Variants in RMST observed in about 807,000 individuals in gnomAD.
The protein encoded by RMST is rhabdomyosarcoma 2 associated transcript, also known as long intergenic non-protein coding RNA 54.
At chr12:97,465,263 C>T (rs573633417) in intron 4 of RMST, among the ~76,000 whole-genome samples, 3 of 152,124 alleles carry the variant, frequency 2.0e-5, no homozygotes, top group Admixed American at 2.0e-4. Context: ...CTGCTACGGG[C>T]GGCTCTGTCG....
intron 11 of RMST, among the ~76,000 whole-genome samples, chr12:97,544,150 G>A (rs1273246568): frequency 6.6e-6 from 1 of 151,988 alleles, no homozygotes; most frequent in African/African-American, 2.4e-5. Flanking sequence ...TTAGAATATT[G>A]CATTAACAAG....
Position 97,469,494 on chromosome 12 carries a change from G to C in RMST, n.644+3767G>C, listed in dbSNP as rs146058810. Among the ~76,000 whole-genome samples, 11 of 152,100 alleles carry C rather than the reference G, an allele frequency of 7.2e-5. No homozygotes were observed. The East Asian group carries it at 2.1e-3, about 29-fold the overall frequency. ...ATTTACTTTCTATATGCCAGACAGTGTGCTAAGACCTTTACCTTCATTTTC... is the reference window on the plus strand; with the variant it reads ...ATTTACTTTCTATATGCCAGACAGTCTGCTAAGACCTTTACCTTCATTTTC... On this transcript the variant is annotated intron_variant and non_coding_transcript_variant, in intron 5 of 13. Coordinates refer to ENST00000640149, the Ensembl canonical transcript of RMST.
At chr12:97,546,464 C>T (rs775158316) in intron 11 of RMST, among the ~76,000 whole-genome samples, 1 of 152,014 alleles carries the variant, frequency 6.6e-6, no homozygotes, top group African/African-American at 2.4e-5. Flanking sequence ...CACTTCTAAT[C>T]CCAGCTACTT....
intron 5 of RMST, among the ~76,000 whole-genome samples, chr12:97,484,268 A>T (rs1476798014): frequency 6.6e-6 from 1 of 152,186 alleles, no homozygotes; most frequent in Non-Finnish European, 1.5e-5. Flanking sequence ...ACGCACACTC[A>T]CATATGCAGA....
At chr12:97,491,993 A>T in intron 5 of RMST, 1 of 530,770 alleles carries the variant, frequency 1.9e-6, no homozygotes, top group Non-Finnish European at 3.9e-6. Context: ...TAAACAATGG[A>T]ACTTCTCCCT....
At chr12:97,559,933 A>G (rs1884002530) in intron 11 of RMST, among the ~76,000 whole-genome samples, 1 of 152,212 alleles carries the variant, frequency 6.6e-6, no homozygotes, top group Non-Finnish European at 1.5e-5. Context: ...TAATTTTATT[A>G]AAGTTAAATT....
chr12:97,492,703 T>G (rs2136454353), intron 6 of RMST: 1 of 152,358 alleles, frequency 6.6e-6, no homozygotes, highest in East Asian at 1.9e-4. Flanking sequence ...CTTGCCTGTT[T>G]TTCCAACTCT....
At chr12:97,527,408 A>C (rs976160284) in intron 10 of RMST, among the ~76,000 whole-genome samples, 1 of 152,226 alleles carries the variant, frequency 6.6e-6, no homozygotes, top group Non-Finnish European at 1.5e-5. Flanking sequence ...AGAATGGAAC[A>C]TGTGGTGCTT....
chr12:97,467,483 T>A (rs1477650559), intron 5 of RMST, among the ~76,000 whole-genome samples: 1 of 152,030 alleles, frequency 6.6e-6, no homozygotes, highest in Non-Finnish European at 1.5e-5. Flanking sequence ...AACTTGATTA[T>A]AGTAAATAAT....
chr12:97,502,812 T>A (rs1459376078), intron 10 of RMST, among the ~76,000 whole-genome samples: 1 of 152,162 alleles, frequency 6.6e-6, no homozygotes, highest in Non-Finnish European at 1.5e-5. Flanking sequence ...AGGAAGTGCT[T>A]CACAAAATAG....
rs73384726 is a variant in RMST, at chr12:97,471,958, A to G, written n.644+6231A>G. On this transcript the variant is annotated intron_variant and non_coding_transcript_variant, in intron 5 of 13. Coordinates refer to ENST00000640149, the Ensembl canonical transcript of RMST. Reference sequence around the variant, plus strand: ...GCAAATTTGGGGACATTGCATATTAATTTGAACCTACAAGCATAAAGGAGA... The same window carrying G: ...GCAAATTTGGGGACATTGCATATTAGTTTGAACCTACAAGCATAAAGGAGA... 3.4e-3 allele frequency among the ~76,000 whole-genome samples: 515 copies of G among 152,190 alleles called. 5 individuals are homozygous for G. The highest frequency in any genetic ancestry group is 0.012 in the African/African-American group (485 of 41,546).
At position 97,513,672 on chromosome 12, in the gene RMST, A is replaced by G. The variant is rs541511025; in HGVS notation, n.1341-16983A>G. 7.9e-5 allele frequency among the ~76,000 whole-genome samples: 12 copies of G among 152,334 alleles called. No homozygotes were observed. In the South Asian group the frequency reaches 2.1e-3, roughly 26 times the overall value. On this transcript the variant is annotated intron_variant and non_coding_transcript_variant, in intron 10 of 13. Coordinates refer to ENST00000640149, the Ensembl canonical transcript of RMST. Reference sequence around the variant, plus strand: ...CCAACTACAGTAAATTAGAACTGCAATGAGTTTTATTTTTATTTTAAACAC... The same window carrying G: ...CCAACTACAGTAAATTAGAACTGCAGTGAGTTTTATTTTTATTTTAAACAC...
At chr12:97,523,777 G>A (rs1739236411) in intron 10 of RMST, among the ~76,000 whole-genome samples, 1 of 152,064 alleles carries the variant, frequency 6.6e-6, no homozygotes, top group African/African-American at 2.4e-5. Context: ...AGAAAGAGAA[G>A]ATAAGAATTC....
intron 11 of RMST, among the ~76,000 whole-genome samples, chr12:97,540,170 C>A (rs1882389397): frequency 6.6e-6 from 1 of 151,666 alleles, no homozygotes; most frequent in African/African-American, 2.4e-5. Flanking sequence ...ACCACAGTCA[C>A]AGCTTTACCA....
At chr12:97,524,108 A>G (rs960720676) in intron 10 of RMST, among the ~76,000 whole-genome samples, 7 of 148,816 alleles carry the variant, frequency 4.7e-5, no homozygotes, top group South Asian at 2.1e-4. Context: ...AAAAAATCAC[A>G]TAACTGTATG....
chr12:97,475,569 C>A (rs1324995359), intron 5 of RMST, among the ~76,000 whole-genome samples: 1 of 146,670 alleles, frequency 6.8e-6, no homozygotes, highest in Non-Finnish European at 1.5e-5. Flanking sequence ...TAATACCCAC[C>A]TTAGTATCTT....
chr12:97,532,293 A>G (rs1881701590), intron 11 of RMST, among the ~76,000 whole-genome samples: 1 of 151,966 alleles, frequency 6.6e-6, no homozygotes. Context: ...GGCACATAAT[A>G]GGCATTCAGT....
chr12:97,553,237 T>C (rs1188354178), intron 11 of RMST, among the ~76,000 whole-genome samples: 1 of 150,012 alleles, frequency 6.7e-6, no homozygotes, highest in African/African-American at 2.5e-5. Context: ...AAAATAGCGA[T>C]ACATTTTACC....
chr12:97,564,728 C>T (rs932335506), exon 14 of RMST: 2 of 152,144 alleles, frequency 1.3e-5, no homozygotes, highest in African/African-American at 4.8e-5. Flanking sequence ...CTGCCCTCTC[C>T]TTCCTTCAGA....
Sources: allele counts gnomAD v4.1 joint callset (sites outside exome capture counted in the v4.1 genomes callset), GRCh38; gene constraint gnomAD v4.1.1; transcripts MANE v1.5; gene names NCBI Gene and HGNC (gene_info 2026-07-23, HGNC 2026-07-21).